Variants in NRG2 observed in about 807,000 individuals in gnomAD.
NRG2 encodes the protein neuregulin 2.
Under a neutral mutation model 73.9 loss-of-function variants are expected in NRG2, and 27 were observed. That is an observed-to-expected ratio of 0.37 (90% confidence interval 0.27 to 0.50). The LOEUF is 0.50. Among genes scored for constraint, NRG2 ranks in the 20% least tolerant of loss-of-function variants. The probability of loss-of-function intolerance (pLI) is 0.96; values close to 1 mark genes in which losing one functional copy is unlikely to be tolerated. For missense variants in NRG2, 1,126 were observed against 1,210.1 expected (o/e 0.93, Z 1.03); for synonymous variants, 532 against 541.0 (o/e 0.98, Z 0.23).
In NRG2 at chr5:140,028,439, T is replaced by C. The variant is rs566264850; in HGVS notation, c.700+13931A>G. ...CCCAAATCTATCCCAGTGTTGTATT[T>C]GGTGTGGAGGACAGATAACTTGTCT... On this transcript the variant is annotated intron_variant, in intron 1 of 9. Transcript: ENST00000361474. 6.1e-4 allele frequency among the ~76,000 whole-genome samples: 93 copies of C among 152,314 alleles called. 2 individuals are homozygous for C. The highest frequency in any genetic ancestry group is 2.1e-3 in the African/African-American group (89 of 41,570).
intron 1 of NRG2, among the ~76,000 whole-genome samples, chr5:139,888,053 C>T (rs950577198): frequency 6.6e-6 from 1 of 152,084 alleles, no homozygotes; most frequent in African/African-American, 2.4e-5. Context: ...TTTCCGCATG[C>T]CCCAGTCTCC....
chr5:140,004,435 C>T (rs1177893205), intron 1 of NRG2, among the ~76,000 whole-genome samples: 2 of 152,156 alleles, frequency 1.3e-5, no homozygotes, highest in African/African-American at 4.8e-5. Context: ...ATTTTTTAAA[C>T]TATAAAGGGT....
intron 1 of NRG2, among the ~76,000 whole-genome samples, chr5:139,949,406 G>A (rs73791253): frequency 0.013 from 1,959 of 152,260 alleles, 32 homozygotes; most frequent in African/African-American, 0.044. Flanking sequence ...GAACAGATGA[G>A]TAATGGAGTG....
intron 1 of NRG2, among the ~76,000 whole-genome samples, chr5:139,932,674 T>C (rs1049936287): frequency 2.6e-5 from 4 of 152,150 alleles, no homozygotes; most frequent in African/African-American, 7.2e-5. Context: ...CTAATCTACT[T>C]TATTATAGTA....
rs968752459 is a variant in NRG2 at position 139,989,798 on chromosome 5, AT to A, written c.700+52571del. On this transcript the variant is annotated intron_variant, in intron 1 of 9. Transcript: ENST00000361474. ...ATTATTTATTTTATTTTATTTTTTT[AT>A]TTTTTTTTGAGACAGAGTCTTGCCT... Among the ~76,000 whole-genome samples, 39 of 146,318 alleles carry A rather than the reference AT, an allele frequency of 2.7e-4. 1 individual carries two copies. The highest frequency in any genetic ancestry group is 4.8e-4 in the Non-Finnish European group (32 of 66,220).
rs189293404 is a variant in NRG2, at chr5:139,881,833, G to A, written c.873-859C>T. Among the ~76,000 whole-genome samples, 15 of 152,282 alleles carry A rather than the reference G, an allele frequency of 9.9e-5. No individual in the cohort carries two copies. The East Asian group carries it at 2.9e-3, about 29-fold the overall frequency. ...TCCCTGCATGCTGAGAACTGTGTAGGGCACCTGGCCTTGGTCCCCCTCTTC... is the reference window on the plus strand; with the variant it reads ...TCCCTGCATGCTGAGAACTGTGTAGAGCACCTGGCCTTGGTCCCCCTCTTC... On this transcript the variant is annotated intron_variant, in intron 2 of 9. Coordinates refer to ENST00000361474, the MANE Select transcript of NRG2 (RefSeq NM_004883.3).
At chr5:140,012,283 C>G (rs1369493372) in intron 1 of NRG2, among the ~76,000 whole-genome samples, 1 of 152,196 alleles carries the variant, frequency 6.6e-6, no homozygotes. Flanking sequence ...TTACCTTGTA[C>G]TTTTCCAATC....
chr5:139,882,791 G>A (rs1763611421), intron 2 of NRG2, among the ~76,000 whole-genome samples: 1 of 152,104 alleles, frequency 6.6e-6, no homozygotes. Flanking sequence ...CCCTTATACA[G>A]CATCATATGT....
intron 1 of NRG2, among the ~76,000 whole-genome samples, chr5:139,953,325 A>G (rs1754368286): frequency 6.6e-6 from 1 of 152,156 alleles, no homozygotes; most frequent in South Asian, 2.1e-4. Context: ...TGAGTCTGGC[A>G]AGAGCTGGAA....
chr5:140,030,149 T>C (rs1189591187), intron 1 of NRG2, among the ~76,000 whole-genome samples: 1 of 152,106 alleles, frequency 6.6e-6, no homozygotes, highest in Non-Finnish European at 1.5e-5. Flanking sequence ...ATGACAACAC[T>C]CACTCCTACT....
intron 1 of NRG2, among the ~76,000 whole-genome samples, chr5:139,903,579 C>T (rs529735015): frequency 1.3e-5 from 2 of 152,350 alleles, no homozygotes; most frequent in African/African-American, 2.4e-5. Flanking sequence ...TCCTCTTTGA[C>T]TCTGCAACCG....
At chr5:139,949,765 C>T (rs1442485298) in intron 1 of NRG2, among the ~76,000 whole-genome samples, 1 of 152,228 alleles carries the variant, frequency 6.6e-6, no homozygotes, top group Non-Finnish European at 1.5e-5. Context: ...CTAAAGAAGG[C>T]TTTGCTGGGT....
intron 1 of NRG2, among the ~76,000 whole-genome samples, chr5:139,936,216 T>C (rs1201125432): frequency 6.6e-6 from 1 of 151,456 alleles, no homozygotes; most frequent in African/African-American, 2.4e-5. Context: ...ACAAAAATAA[T>C]AGAAAAAATC....
At chr5:139,982,238 T>C (rs950525612) in intron 1 of NRG2, among the ~76,000 whole-genome samples, 2 of 152,156 alleles carry the variant, frequency 1.3e-5, no homozygotes, top group African/African-American at 4.8e-5. Context: ...TCCCCCGATC[T>C]GCTCCTGCAC....
chr5:140,001,598 A>C (rs1758482969), intron 1 of NRG2, among the ~76,000 whole-genome samples: 1 of 151,902 alleles, frequency 6.6e-6, no homozygotes, highest in East Asian at 1.9e-4. Context: ...TTGGTGGCTC[A>C]TGTGTGTAAT....
intron 1 of NRG2, among the ~76,000 whole-genome samples, chr5:139,963,563 T>C (rs2126508054): frequency 6.6e-6 from 1 of 152,322 alleles, no homozygotes; most frequent in South Asian, 2.1e-4. Context: ...ATAGGTACCA[T>C]TTATTCTTAC....
At chr5:139,919,949 T>C (rs1264664331) in intron 1 of NRG2, among the ~76,000 whole-genome samples, 1 of 152,184 alleles carries the variant, frequency 6.6e-6, no homozygotes, top group Non-Finnish European at 1.5e-5. Context: ...ATCCCATAAG[T>C]TTTGTTCCTG....
At chr5:139,883,418 G>A (rs1405260491) in intron 2 of NRG2, among the ~76,000 whole-genome samples, 1 of 146,690 alleles carries the variant, frequency 6.8e-6, no homozygotes, top group African/African-American at 2.5e-5. Context: ...CCCGTGCCCA[G>A]GATTTGGGGG....
chr5:139,894,871 C>G lies in NRG2; in HGVS notation c.701-7360G>C, dbSNP rs1764455770. 1.3e-5 allele frequency among the ~76,000 whole-genome samples: 2 copies of G among 152,192 alleles called. No homozygotes were observed. The highest frequency in any genetic ancestry group is 1.3e-4 in the Admixed American group (2 of 15,280). On this transcript the variant is annotated intron_variant, in intron 1 of 9. Transcript: ENST00000361474. The surrounding 1 kb of genome is among the most constrained non-coding windows in gnomAD (Gnocchi z 5.0). ...CTTCCCTGCACCAGTGAAAACCAGC[C>G]TAGACCTGATGGGCTTTCAGCTCAG...
Sources: allele counts gnomAD v4.1 joint callset (sites outside exome capture counted in the v4.1 genomes callset), GRCh38; gene constraint gnomAD v4.1.1; non-coding constraint Gnocchi (gnomAD v3.1); transcripts MANE v1.5; gene names NCBI Gene and HGNC (gene_info 2026-07-23, HGNC 2026-07-21).